CLDN11: variants seen among roughly 807,000 people sequenced by gnomAD.
CLDN11 encodes claudin 11.
Under a neutral mutation model 18.0 loss-of-function variants are expected in CLDN11, and 1 was observed. That is an observed-to-expected ratio of 0.06 (90% CI 0.02 to 0.26). The LOEUF (loss-of-function observed/expected upper bound fraction) is 0.26, where lower values mean the gene tolerates loss of function less well. CLDN11 is among the 10% of genes least tolerant of loss of function. CLDN11 has a pLI of 1.00. For missense variants in CLDN11, 172 were observed against 276.6 expected, an observed-to-expected ratio of 0.62 and a Z score of 2.68; for synonymous variants, 116 against 121.5, an observed-to-expected ratio of 0.96 and a Z score of 0.30.
At chr3:170,431,588 G>T (rs1739004241) in intron 2 of CLDN11, among the ~76,000 whole-genome samples, 1 of 152,126 alleles carries the variant, frequency 6.6e-6, no homozygotes, top group Non-Finnish European at 1.5e-5. Context: ...GACAGTGCTG[G>T]TCTAGAGATT....
At chr3:170,429,063 G>A (rs1010733449) in intron 2 of CLDN11, among the ~76,000 whole-genome samples, 4 of 152,216 alleles carry the variant, frequency 2.6e-5, no homozygotes, top group Admixed American at 2.6e-4. Flanking sequence ...TAAAAGTTAA[G>A]TAATGATTTG....
Position 170,432,657 on chromosome 3 carries a change from C to T in CLDN11, c.525C>T (p.Ile175=), listed in dbSNP as rs1739028651. 1 of 1,614,130 alleles carries T rather than the reference C, an allele frequency of 6.2e-7. No individual in the cohort carries two copies. Among genetic ancestry groups the T allele is most frequent in the East Asian group, 2.2e-5 (1 of 44,882 alleles). Residue 175 remains isoleucine, a synonymous_variant, in exon 3 of 3, where the codon ATC becomes ATT. Coordinates refer to ENST00000064724, the MANE Select transcript of CLDN11 (RefSeq NM_005602.6). ...TGTGCCTCGTGGGTGGCTGTGTCATCCTCTGCTGCGCTGGAGATGCCCAGG... is the reference window on the plus strand; with the variant it reads ...TGTGCCTCGTGGGTGGCTGTGTCATTCTCTGCTGCGCTGGAGATGCCCAGG... ...AVLCLVGGCV[I]LCCAGDAQAF...
intron 2 of CLDN11, among the ~76,000 whole-genome samples, chr3:170,427,396 T>C (rs1577471333): frequency 6.6e-6 from 1 of 151,954 alleles, no homozygotes; most frequent in African/African-American, 2.4e-5. Flanking sequence ...CTGAGGTGGG[T>C]GGATCACCTG....
Position 170,432,744 on chromosome 3 carries a change from T to C in CLDN11, c.612T>C (p.Ser204=), listed in dbSNP as rs1378149792. ...AGSSSPTHAK[S]AHV The stretch of plus-strand genomic sequence containing the variant: ...CTAGCTCCCCGACTCATGCGAAGAG[T>C]GCCCACGTATAAGAGGGCTGCCCGG... The change falls in exon 3 of 3, where the codon AGT becomes AGC. Residue 204 remains serine (S), a synonymous_variant. Coordinates refer to ENST00000064724, the MANE Select transcript of CLDN11 (RefSeq NM_005602.6). 2.5e-6 allele frequency: 4 copies of C among 1,614,150 alleles called. No individual in the cohort carries two copies. Among genetic ancestry groups the C allele is most frequent in the Non-Finnish European group, 3.4e-6 (4 of 1,180,016 alleles).
intron 2 of CLDN11, among the ~76,000 whole-genome samples, chr3:170,428,407 G>A (rs1738916990): frequency 6.6e-6 from 1 of 152,030 alleles, no homozygotes; most frequent in South Asian, 2.1e-4. Flanking sequence ...TTTCTGTTTG[G>A]TCACATCACC....
chr3:170,431,439 G>C (rs1553860862), intron 2 of CLDN11, among the ~76,000 whole-genome samples: 4 of 152,246 alleles, frequency 2.6e-5, no homozygotes, highest in Non-Finnish European at 1.5e-5. Context: ...GTTTAGAGCT[G>C]TGTTGTTCGG....
chr3:170,427,946 C>T (rs1452810381), intron 2 of CLDN11, among the ~76,000 whole-genome samples: 1 of 151,706 alleles, frequency 6.6e-6, no homozygotes, highest in Non-Finnish European at 1.5e-5. Flanking sequence ...TGCTTGAGCC[C>T]AGGAGTTCGA....
intron 2 of CLDN11, among the ~76,000 whole-genome samples, chr3:170,431,535 G>A (rs1577473650): frequency 6.6e-6 from 1 of 152,102 alleles, no homozygotes; most frequent in Non-Finnish European, 1.5e-5. Flanking sequence ...TAGCCTCATG[G>A]CAAATGATCA....
chr3:170,420,488 C>CAAA (rs1738698418), intron 1 of CLDN11, among the ~76,000 whole-genome samples: 1 of 152,190 alleles, frequency 6.6e-6, no homozygotes, highest in Non-Finnish European at 1.5e-5. Flanking sequence ...CCTCCTTTCT[C>CAAA]CTTGCTGCCT....
Position 170,425,035 on chromosome 3 carries a change from T to G in CLDN11, c.391+1708T>G, listed in dbSNP as rs557765077. 7.9e-5 allele frequency among the ~76,000 whole-genome samples: 12 copies of G among 152,322 alleles called. 1 individual carries two copies. Among genetic ancestry groups the G allele is most frequent in the South Asian group, 4.1e-4 (2 of 4,832 alleles). Reference sequence around the variant, plus strand: ...ATTTTGGTTCCAGCCACAAAGAATTTGTGTGCCAGCGTCACACGGAACACA... The same window carrying G: ...ATTTTGGTTCCAGCCACAAAGAATTGGTGTGCCAGCGTCACACGGAACACA... On this transcript the variant is annotated intron_variant, in intron 2 of 2. Coordinates refer to ENST00000064724, the MANE Select transcript of CLDN11 (RefSeq NM_005602.6).
intron 2 of CLDN11, among the ~76,000 whole-genome samples, chr3:170,430,593 C>CA (rs1474593886): frequency 6.6e-6 from 1 of 151,270 alleles, no homozygotes; most frequent in African/African-American, 2.4e-5. Context: ...GGCTGGAGTG[C>CA]AGTGGCAAGA....
At position 170,418,973 on chromosome 3, in the gene CLDN11, G is replaced by C; in HGVS notation, c.-94G>C. On this transcript the variant is annotated 5_prime_UTR_variant, in exon 1 of 3. Transcript: ENST00000064724. This position sits in a 1 kb window ranked among gnomAD's most constrained non-coding sequence, Gnocchi z 4.3. ...TCGGGCCGTCGCCCTCCAGCGGCTC[G>C]CGAGCGTGGGAGACGTACCTGGGCA... The C allele has an allele frequency of 4.2e-6, 4 of 954,466 alleles. No homozygotes were observed. Among genetic ancestry groups the C allele is most frequent in the South Asian group, 3.2e-5 (2 of 62,718 alleles). The allele number at this position is 954,466 out of a possible 1,614,324, so 59.1% of individuals were successfully genotyped here. A position where few individuals can be genotyped will look rare whatever the true frequency, so the allele number is the denominator to read the frequency against.
chr3:170,420,976 A>G lies in CLDN11; in HGVS notation c.226+1684A>G, dbSNP rs577265454. Among the ~76,000 whole-genome samples the G allele has an allele frequency of 2.0e-5, 3 of 152,352 alleles. No homozygotes were observed. The South Asian group carries it at 6.2e-4, about 32-fold the overall frequency. ...CCTTTGAGATAGTAGATGCTTCATG[A>G]ATGGTACCTATAGTATTTTATTAAA... On this transcript the variant is annotated intron_variant, in intron 1 of 2. Transcript: ENST00000064724.
chr3:170,419,141 C>G lies in CLDN11; in HGVS notation c.75C>G (p.Thr25=). ...GCTGGATCGGGGTCATCGTGACCACCTCCACCAATGACTGGGTGGTGACCT... is the reference window on the plus strand; with the variant it reads ...GCTGGATCGGGGTCATCGTGACCACGTCCACCAATGACTGGGTGGTGACCT... ...FVGWIGVIVT[T]STNDWVVTCG... Residue 25 remains threonine (T), a synonymous_variant, in exon 1 of 3, where the codon ACC becomes ACG. Coordinates refer to ENST00000064724, the MANE Select transcript of CLDN11 (RefSeq NM_005602.6). This position sits in a 1 kb window ranked among gnomAD's most constrained non-coding sequence, Gnocchi z 8.6. 6.4e-7 allele frequency: 1 copy of G among 1,552,468 alleles called. No individual in the cohort carries two copies. Among genetic ancestry groups the G allele is most frequent in the Non-Finnish European group, 8.7e-7 (1 of 1,147,652 alleles).
chr3:170,425,141 C>G (rs559623121), intron 2 of CLDN11, among the ~76,000 whole-genome samples: 1 of 152,136 alleles, frequency 6.6e-6, no homozygotes, highest in Non-Finnish European at 1.5e-5. Context: ...TTGTCTGACT[C>G]CCTTTCCAAC....
Position 170,432,971 on chromosome 3 carries a change from G to T in CLDN11, c.*215G>T. 1.8e-6 allele frequency: 1 copy of T among 549,584 alleles called. No individual in the cohort carries two copies. Among genetic ancestry groups the T allele is most frequent in the South Asian group, 2.3e-5 (1 of 42,752 alleles). 34.0% of individuals were successfully genotyped at this position (549,584 alleles called of 1,614,324 possible). A position where few individuals can be genotyped will look rare whatever the true frequency, so the allele number is the denominator to read the frequency against. ...AAATCTCTAGCTCAGATAATGCCCA[G>T]ACATTTTTTTCCCTTGGTGTTGCCC... On this transcript the variant is annotated 3_prime_UTR_variant, in exon 3 of 3. Coordinates refer to ENST00000064724, the MANE Select transcript of CLDN11 (RefSeq NM_005602.6).
At chr3:170,421,699 C>G (rs906133670) in intron 1 of CLDN11, among the ~76,000 whole-genome samples, 16 of 152,132 alleles carry the variant, frequency 1.1e-4, no homozygotes, top group African/African-American at 3.9e-4. Context: ...TGACCCCCCC[C>G]ACCTTTTTTA....
intron 2 of CLDN11, among the ~76,000 whole-genome samples, chr3:170,427,750 A>G (rs1451501841): frequency 6.7e-6 from 1 of 149,586 alleles, no homozygotes; most frequent in East Asian, 2.0e-4. Context: ...CAGAGTTTGC[A>G]GTGAGCTGAG....
At chr3:170,432,353 A>G (rs182147642) in intron 2 of CLDN11, among the ~76,000 whole-genome samples, 171 bp from the exon 3 acceptor site, 4 of 152,304 alleles carry the variant, frequency 2.6e-5, no homozygotes, top group South Asian at 2.1e-4. Flanking sequence ...CTTCTTCTAC[A>G]GATGCCAACT....
Sources: gnomAD v4.1 joint callset for allele counts (sites outside exome capture counted in the v4.1 genomes callset) on GRCh38, gnomAD v4.1.1 for gene constraint, Gnocchi (gnomAD v3.1) non-coding constraint, MANE v1.5 for transcripts, NCBI Gene and HGNC (gene_info 2026-07-23, HGNC 2026-07-21) for gene names.